PLPP4: variants seen among roughly 807,000 people sequenced by gnomAD.
PLPP4 encodes the protein phospholipid phosphatase 4.
PLPP4 carries 20 observed loss-of-function variants against 32.2 expected under a neutral mutation model. That is an observed-to-expected ratio of 0.62 (90% CI 0.44 to 0.90). The LOEUF is 0.90. Among genes scored for constraint, PLPP4 ranks in the 40% least tolerant of loss-of-function variants. The pLI, the probability that PLPP4 is intolerant of heterozygous loss-of-function variation, is 0.00. For missense variants in PLPP4, 257 were observed against 353.1 expected (o/e 0.73, Z 2.18); for synonymous variants, 127 against 133.0 (o/e 0.95, Z 0.31).
At chr10:120,535,512 G>A (rs746731951) in intron 5 of PLPP4, among the ~76,000 whole-genome samples, 2 of 151,882 alleles carry the variant, frequency 1.3e-5, no homozygotes, top group Admixed American at 1.3e-4. Flanking sequence ...TTTTGTGTGT[G>A]TGTCTTATTC....
intron 6 of PLPP4, chr10:120,580,857 C>G (rs1328207979): frequency 7.8e-7 from 1 of 1,285,270 alleles, no homozygotes; most frequent in African/African-American, 1.5e-5. Context: ...CTAATATCCT[C>G]AGCCCAAGTG....
At chr10:120,582,853 A>C (rs754604857) in intron 6 of PLPP4, among the ~76,000 whole-genome samples, 2 of 132,450 alleles carry the variant, frequency 1.5e-5, no homozygotes, top group Non-Finnish European at 3.1e-5. Context: ...GTGTCTGTGT[A>C]CCCGGCGTGT....
intron 5 of PLPP4, among the ~76,000 whole-genome samples, chr10:120,564,547 G>A (rs1848599013): frequency 1.3e-5 from 2 of 151,788 alleles, no homozygotes; most frequent in African/African-American, 4.8e-5. Context: ...TTCTTAATTT[G>A]TCAATAGCAA....
rs112435606 is a variant in PLPP4 at position 120,499,872 on chromosome 10, G to A, written c.57-3946G>A. 1.3e-3 allele frequency among the ~76,000 whole-genome samples: 204 copies of A among 152,280 alleles called. 1 individual carries two copies. Among genetic ancestry groups the A allele is most frequent in the African/African-American group, 4.7e-3 (195 of 41,570 alleles). ...CTTCCAAACCACTTCCAAAGAGCTT[G>A]TGGGAGGATGTTTCCAGGCCTGGGC... On this transcript the variant is annotated intron_variant, in intron 1 of 6. Transcript: ENST00000398250.
At chr10:120,549,316 C>T (rs1210873892) in intron 5 of PLPP4, among the ~76,000 whole-genome samples, 1 of 150,796 alleles carries the variant, frequency 6.6e-6, no homozygotes, top group Non-Finnish European at 1.5e-5. Context: ...TTGTAAACCA[C>T]TGCTAACCAA....
intron 5 of PLPP4, among the ~76,000 whole-genome samples, chr10:120,569,238 C>CAAA (rs34266666): frequency 7.1e-6 from 1 of 141,364 alleles, no homozygotes; most frequent in Non-Finnish European, 1.6e-5. Context: ...GACTCCATCT[C>CAAA]AAAAAAAAAA....
Position 120,581,547 on chromosome 10 carries a change from T to C in PLPP4, c.616+6246T>C, listed in dbSNP as rs376197938. On this transcript the variant is annotated intron_variant, in intron 6 of 6. Coordinates refer to ENST00000398250, the MANE Select transcript of PLPP4 (RefSeq NM_001030059.3). ...CCATAAGATCTGCTCCCTCCGTACT[T>C]CTTTGATGCTATGTTCAAGCTACTT... 3.3e-5 allele frequency among the ~76,000 whole-genome samples: 5 copies of C among 152,324 alleles called. No individual in the cohort carries two copies. In the East Asian group the frequency reaches 7.7e-4, roughly 24 times the overall value.
chr10:120,478,836 T>G (rs1486454362), intron 1 of PLPP4, among the ~76,000 whole-genome samples: 5 of 152,268 alleles, frequency 3.3e-5, no homozygotes, highest in African/African-American at 7.2e-5. Context: ...CAGTTTTTAG[T>G]TGATGTAGTT....
chr10:120,532,482 A>G (rs532544724), intron 5 of PLPP4, among the ~76,000 whole-genome samples: 2 of 152,276 alleles, frequency 1.3e-5, no homozygotes, highest in African/African-American at 4.8e-5. Flanking sequence ...GATTCAATTC[A>G]CCCATTTAAA....
At chr10:120,504,590 A>G (rs1395099024) in intron 2 of PLPP4, among the ~76,000 whole-genome samples, 1 of 152,228 alleles carries the variant, frequency 6.6e-6, no homozygotes, top group East Asian at 1.9e-4. Context: ...GTAAGAAGCT[A>G]TTATTCCTAG....
At chr10:120,494,994 A>G (rs1348028488) in intron 1 of PLPP4, among the ~76,000 whole-genome samples, 1 of 152,068 alleles carries the variant, frequency 6.6e-6, no homozygotes, top group East Asian at 1.9e-4. Context: ...GAAAGCATGT[A>G]TGTGTGTGTT....
intron 5 of PLPP4, among the ~76,000 whole-genome samples, chr10:120,534,244 T>A: frequency 6.6e-6 from 1 of 152,082 alleles, no homozygotes; most frequent in East Asian, 1.9e-4. Flanking sequence ...TGATTGACTT[T>A]TTTTTTTCCT....
chr10:120,542,423 A>G (rs1394470604), intron 5 of PLPP4, among the ~76,000 whole-genome samples: 5 of 152,224 alleles, frequency 3.3e-5, no homozygotes, highest in African/African-American at 1.2e-4. Flanking sequence ...CAATTGTTAG[A>G]GACACAAAGG....
At chr10:120,496,097 A>G (rs1400279069) in intron 1 of PLPP4, among the ~76,000 whole-genome samples, 1 of 152,192 alleles carries the variant, frequency 6.6e-6, no homozygotes, top group Admixed American at 6.5e-5. Context: ...TATAGTTGGG[A>G]AAAAGGATGA....
chr10:120,575,265 C>G lies in PLPP4; in HGVS notation c.580C>G (p.Leu194Val). The stretch of plus-strand genomic sequence containing the variant: ...CTTGTACTGCGCCATGATGATTGCC[C>G]TGTCCCGCATGTGCGACTACAAGCA... Reference protein sequence around the residue: ...LPLYCAMMIALSRMCDYKHHW... With the variant: ...LPLYCAMMIAVSRMCDYKHHW... The change falls in exon 6 of 7, where the codon CTG (leucine) becomes GTG (valine). Residue 194 changes from leucine (L) to valine (V), a missense_variant. Physicochemically the swap from Leu to Val is conservative, Grantham distance 32. Transcript: ENST00000398250. 1 of 1,614,140 alleles carries G rather than the reference C, an allele frequency of 6.2e-7. No individual in the cohort carries two copies. Among genetic ancestry groups the G allele is most frequent in the Non-Finnish European group, 8.5e-7 (1 of 1,180,022 alleles).
At chr10:120,495,299 A>G (rs939903045) in intron 1 of PLPP4, among the ~76,000 whole-genome samples, 3 of 152,198 alleles carry the variant, frequency 2.0e-5, no homozygotes, top group Admixed American at 6.5e-5. Flanking sequence ...GGGGATAGCC[A>G]ACTACTCCAA....
intron 1 of PLPP4, among the ~76,000 whole-genome samples, chr10:120,498,168 G>A (rs572052381): frequency 2.6e-5 from 4 of 152,234 alleles, no homozygotes; most frequent in African/African-American, 7.2e-5. Flanking sequence ...AAAATAATAC[G>A]TTTACTGTAG....
chr10:120,498,931 T>C (rs1253118150), intron 1 of PLPP4, among the ~76,000 whole-genome samples: 2 of 152,130 alleles, frequency 1.3e-5, no homozygotes, highest in Non-Finnish European at 2.9e-5. Context: ...AAATCACTTC[T>C]ATTCTTAATG....
intron 2 of PLPP4, among the ~76,000 whole-genome samples, chr10:120,504,587 G>A (rs1845409990): frequency 6.6e-6 from 1 of 152,236 alleles, no homozygotes; most frequent in Non-Finnish European, 1.5e-5. Context: ...AGAGTAAGAA[G>A]CTATTATTCC....
Sources: gnomAD v4.1 joint callset for allele counts (sites outside exome capture counted in the v4.1 genomes callset) on GRCh38, gnomAD v4.1.1 for gene constraint, MANE v1.5 for transcripts, NCBI Gene and HGNC (gene_info 2026-07-23, HGNC 2026-07-21) for gene names.